Variants in ZNF277 observed in about 807,000 individuals in gnomAD.
ZNF277 encodes zinc finger protein 277.
In ZNF277, 55 loss-of-function variants were observed where a neutral mutation model predicts 60.7. The observed-to-expected ratio is 0.91, with a 90% CI of 0.73 to 1.13. ZNF277 has a LOEUF of 1.13. Ranked by LOEUF, ZNF277 falls within the 50% of genes most tolerant of loss-of-function variation. The pLI is 0.00. For synonymous variants in ZNF277, 178 were observed against 179.3 expected, an observed-to-expected ratio of 0.99 and a Z score of 0.06; for missense variants, 510 against 523.0, an observed-to-expected ratio of 0.98 and a Z score of 0.24.
intron 7 of ZNF277, among the ~76,000 whole-genome samples, chr7:112,332,694 C>T (rs764704400): frequency 4.6e-5 from 7 of 152,066 alleles, no homozygotes; most frequent in African/African-American, 9.7e-5. Context: ...TATTCCTATG[C>T]GAAATTCCTG....
intron 1 of ZNF277, among the ~76,000 whole-genome samples, chr7:112,275,724 T>G (rs1236099186): frequency 6.6e-6 from 1 of 151,976 alleles, no homozygotes; most frequent in Non-Finnish European, 1.5e-5. Context: ...TTGTTACTGT[T>G]GCATTATTAA....
chr7:112,321,500 G>T (rs1792983341), intron 5 of ZNF277, among the ~76,000 whole-genome samples: 1 of 151,934 alleles, frequency 6.6e-6, no homozygotes, highest in African/African-American at 2.4e-5. Context: ...GAAGAAAAGG[G>T]TCATAAAAAT....
chr7:112,329,716 A>G (rs1793180081), intron 6 of ZNF277, among the ~76,000 whole-genome samples: 1 of 152,192 alleles, frequency 6.6e-6, no homozygotes. Flanking sequence ...TGTACTAATT[A>G]TTACATACAA....
chr7:112,237,867 AC>A (rs1790841743), intron 1 of ZNF277, among the ~76,000 whole-genome samples: 1 of 152,196 alleles, frequency 6.6e-6, no homozygotes, highest in Non-Finnish European at 1.5e-5. Context: ...CAAGGACACA[AC>A]AAAAAAAGAA....
chr7:112,252,374 A>G (rs1265973255), intron 1 of ZNF277, among the ~76,000 whole-genome samples: 1 of 152,180 alleles, frequency 6.6e-6, no homozygotes, highest in Non-Finnish European at 1.5e-5. Flanking sequence ...CATTTTGTTA[A>G]AAGAGTGAAT....
intron 2 of ZNF277, among the ~76,000 whole-genome samples, chr7:112,294,401 T>C (rs1002967196): frequency 6.6e-6 from 1 of 152,216 alleles, no homozygotes; most frequent in Admixed American, 6.5e-5. Flanking sequence ...ATTTCTAATA[T>C]GGAAGCCAGT....
chr7:112,293,397 C>A (rs999782468), intron 2 of ZNF277, among the ~76,000 whole-genome samples: 4 of 151,836 alleles, frequency 2.6e-5, no homozygotes, highest in Non-Finnish European at 2.9e-5. Flanking sequence ...GGCAACATGG[C>A]AAAACCCCAT....
intron 1 of ZNF277, among the ~76,000 whole-genome samples, chr7:112,231,589 G>A (rs974605822): frequency 2.0e-5 from 3 of 150,286 alleles, no homozygotes; most frequent in African/African-American, 7.3e-5. Context: ...TTGTTTTTTG[G>A]CTCCTTCCAT....
chr7:112,260,999 AG>A lies in ZNF277; in HGVS notation c.92-25873del, dbSNP rs574666473. Among the ~76,000 whole-genome samples, 463 of 152,358 alleles carry A rather than the reference AG, an allele frequency of 3.0e-3. 1 individual carries two copies. Among genetic ancestry groups the A allele is most frequent in the African/African-American group, 0.011 (440 of 41,578 alleles). ...GAAATGTGTGTGAGAAAGAAAGATC[AG>A]AACTCACAACAATAGGTTACCCAAC... On this transcript the variant is annotated intron_variant, in intron 1 of 11. Transcript: ENST00000361822.
At chr7:112,210,605 G>A (rs138525215) in intron 1 of ZNF277, among the ~76,000 whole-genome samples, 2,648 of 151,912 alleles carry the variant, frequency 0.017, 86 homozygotes, top group African/African-American at 0.062. Context: ...CCGAGTAGCT[G>A]GGATTACAGG....
intron 9 of ZNF277, among the ~76,000 whole-genome samples, chr7:112,338,431 T>C (rs919137989): frequency 2.6e-5 from 4 of 152,130 alleles, no homozygotes; most frequent in Admixed American, 2.6e-4. Context: ...ACAAGGCGGA[T>C]AGGGAAGGGG....
intron 1 of ZNF277, among the ~76,000 whole-genome samples, chr7:112,277,641 A>G (rs1184384145): frequency 6.6e-6 from 1 of 152,174 alleles, no homozygotes; most frequent in African/African-American, 2.4e-5. Flanking sequence ...TCATGTTTTA[A>G]ATGCTCAATC....
At chr7:112,316,280 G>T (rs1792841747) in intron 4 of ZNF277, among the ~76,000 whole-genome samples, 1 of 152,080 alleles carries the variant, frequency 6.6e-6, no homozygotes, top group African/African-American at 2.4e-5. Context: ...CTTTTAAGAA[G>T]TGTCTGTTCA....
At chr7:112,267,840 T>C (rs934549385) in intron 1 of ZNF277, among the ~76,000 whole-genome samples, 1 of 152,082 alleles carries the variant, frequency 6.6e-6, no homozygotes. Flanking sequence ...ATAGCAGGGG[T>C]GGCAGCTTGC....
At chr7:112,254,798 G>A (rs1274040443) in intron 1 of ZNF277, among the ~76,000 whole-genome samples, 1 of 151,800 alleles carries the variant, frequency 6.6e-6, no homozygotes, top group Non-Finnish European at 1.5e-5. Context: ...GTGAGAACTC[G>A]CCTGTAGAAA....
intron 1 of ZNF277, among the ~76,000 whole-genome samples, chr7:112,209,939 T>C (rs996572917): frequency 6.6e-6 from 1 of 152,080 alleles, no homozygotes; most frequent in Middle Eastern, 3.4e-3. Flanking sequence ...TAGGTGGAAA[T>C]TGAACAATGA....
At chr7:112,338,089 C>A (rs931814935) in intron 9 of ZNF277, among the ~76,000 whole-genome samples, 1 of 152,164 alleles carries the variant, frequency 6.6e-6, no homozygotes, top group African/African-American at 2.4e-5. Context: ...ATCATTCTAG[C>A]TCAGCAGGTG....
intron 1 of ZNF277, among the ~76,000 whole-genome samples, chr7:112,256,310 G>C (rs780285881): frequency 6.6e-6 from 1 of 151,286 alleles, no homozygotes; most frequent in Admixed American, 6.6e-5. Flanking sequence ...AAAATCCCTT[G>C]AAGTTACCAC....
chr7:112,210,475 T>G (rs556551904), intron 1 of ZNF277, among the ~76,000 whole-genome samples: 1,925 of 151,040 alleles, frequency 0.013, 51 homozygotes, highest in African/African-American at 0.045. Flanking sequence ...GTTTTTTTTT[T>G]TTGTTTTTTT....
Sources: allele counts gnomAD v4.1 joint callset (sites outside exome capture counted in the v4.1 genomes callset), GRCh38; gene constraint gnomAD v4.1.1; transcripts MANE v1.5; gene names NCBI Gene and HGNC (gene_info 2026-07-23, HGNC 2026-07-21).